NBPF15: variants seen among roughly 807,000 people sequenced by gnomAD.
NBPF15 encodes the protein NBPF member 15.
In NBPF15, 74 loss-of-function variants were observed where a neutral mutation model predicts 62.2. The observed-to-expected ratio is 1.19, with a 90% CI of 0.99 to 1.44. The LOEUF (loss-of-function observed/expected upper bound fraction) is 1.44, where lower values mean the gene tolerates loss of function less well. Ranked by LOEUF, NBPF15 falls within the 40% of genes most tolerant of loss-of-function variation. NBPF15 has a pLI of 0.00. For synonymous variants in NBPF15, 244 were observed against 209.7 expected (o/e 1.16, Z -1.41); for missense variants, 790 against 550.0 (o/e 1.44, Z -4.36).
intron 6 of NBPF15, among the ~76,000 whole-genome samples, chr1:144,445,779 T>C (rs1687065021): frequency 6.6e-6 from 1 of 151,196 alleles, no homozygotes; most frequent in Non-Finnish European, 1.5e-5. Context: ...ACTAATTTAG[T>C]TCTTTCATAA....
intron 13 of NBPF15, among the ~76,000 whole-genome samples, chr1:144,432,149 C>G (rs1385218521): frequency 4.6e-5 from 7 of 151,832 alleles, no homozygotes; most frequent in African/African-American, 1.2e-4. Flanking sequence ...TCCTCTCCAG[C>G]ATCTTCAACC....
At chr1:144,457,066 C>T (rs1648449170) in intron 3 of NBPF15, among the ~76,000 whole-genome samples, 2 of 151,912 alleles carry the variant, frequency 1.3e-5, no homozygotes, top group African/African-American at 2.4e-5. Flanking sequence ...GTAGTCTCAG[C>T]TACTCAGAAG....
At chr1:144,439,140 C>A (rs1376786636) in intron 8 of NBPF15, among the ~76,000 whole-genome samples, 1 of 151,750 alleles carries the variant, frequency 6.6e-6, no homozygotes, top group Non-Finnish European at 1.5e-5. Context: ...CCTGCCACCA[C>A]GCCCATCTAC....
chr1:144,460,641 C>T (rs581734), intron 2 of NBPF15, among the ~76,000 whole-genome samples: 23 of 150,622 alleles, frequency 1.5e-4, no homozygotes, highest in African/African-American at 2.7e-4. Flanking sequence ...AGAAAAGATA[C>T]CACTGCAAGA....
intron 9 of NBPF15, 142 bp downstream of exon 9, chr1:144,437,799 GATAA>G: frequency 1.3e-6 from 1 of 747,238 alleles, no homozygotes; most frequent in Non-Finnish European, 2.3e-6. Flanking sequence ...TTCTCTGTTT[GATAA>G]ATATTTGTGT....
At chr1:144,453,376 T>C (rs1307716763) in intron 4 of NBPF15, among the ~76,000 whole-genome samples, 1 of 151,748 alleles carries the variant, frequency 6.6e-6, no homozygotes, top group Non-Finnish European at 1.5e-5. Flanking sequence ...ATAAGAATCC[T>C]AGGAGATAAC....
At chr1:144,449,497 G>A (rs587656324) in intron 5 of NBPF15, among the ~76,000 whole-genome samples, 93 of 151,254 alleles carry the variant, frequency 6.1e-4, no homozygotes, top group African/African-American at 2.2e-3. Flanking sequence ...CCATGGAATG[G>A]CTAAAGGAAC....
chr1:144,429,293 G>A (rs1183828895), intron 14 of NBPF15, among the ~76,000 whole-genome samples: 9 of 149,248 alleles, frequency 6.0e-5, no homozygotes, highest in Non-Finnish European at 1.2e-4. Flanking sequence ...CTGGCCTTGG[G>A]CAGGTAAAGA....
intron 4 of NBPF15, among the ~76,000 whole-genome samples, chr1:144,453,513 A>G (rs1692481236): frequency 1.3e-5 from 2 of 151,714 alleles, no homozygotes; most frequent in Non-Finnish European, 2.9e-5. Flanking sequence ...CTGTTCTGTG[A>G]AAGACACTGT....
intron 9 of NBPF15, among the ~76,000 whole-genome samples, chr1:144,437,455 C>T (rs1209873279): frequency 2.5e-4 from 36 of 144,960 alleles, no homozygotes; most frequent in African/African-American, 8.1e-4. Flanking sequence ...GTGCATCTTG[C>T]GGCCACTAGA....
intron 4 of NBPF15, among the ~76,000 whole-genome samples, chr1:144,455,105 A>G (rs868949900): frequency 2.9e-5 from 4 of 138,562 alleles, no homozygotes; most frequent in East Asian, 2.2e-4. Flanking sequence ...GGAAGGAAGG[A>G]AGGAAGGAAG....
At chr1:144,446,732 AATG>A (rs1257501048) in intron 6 of NBPF15, among the ~76,000 whole-genome samples, 4 of 152,054 alleles carry the variant, frequency 2.6e-5, no homozygotes, top group Admixed American at 6.5e-5. Context: ...TAATATATAA[AATG>A]ATATTTTTTA....
intron 4 of NBPF15, among the ~76,000 whole-genome samples, chr1:144,453,662 A>G (rs113616922): frequency 0.22 from 18,752 of 85,992 alleles, 3,487 homozygotes; most frequent in African/African-American, 0.45. Context: ...AAAAAAAAAA[A>G]GTGAAACATC....
At chr1:144,452,137 G>C (rs1691573507) in intron 4 of NBPF15, among the ~76,000 whole-genome samples, 1 of 151,402 alleles carries the variant, frequency 6.6e-6, no homozygotes, top group Non-Finnish European at 1.5e-5. Context: ...AAGGAAAAGA[G>C]AAATAACTCC....
intron 16 of NBPF15, 127 bp from the exon 17 acceptor site, chr1:144,427,225 A>G: frequency 2.9e-6 from 2 of 684,380 alleles, no homozygotes; most frequent in Non-Finnish European, 5.2e-6. Flanking sequence ...TGTGAGAGAT[A>G]TTCTTCAAGA....
intron 4 of NBPF15, among the ~76,000 whole-genome samples, chr1:144,452,141 T>C (rs1426881782): frequency 6.6e-6 from 1 of 151,548 alleles, no homozygotes; most frequent in Admixed American, 6.6e-5. Context: ...AAAAGAGAAA[T>C]AACTCCATCT....
Position 144,439,997 on chromosome 1 carries a change from C to T in NBPF15, c.7G>A (p.Val3Ile), listed in dbSNP as rs1361198449. The T allele has an allele frequency of 1.2e-6, 2 of 1,607,924 alleles. No individual in the cohort carries two copies. Among genetic ancestry groups the T allele is most frequent in the African/African-American group, 1.3e-5 (1 of 74,728 alleles). The change falls in exon 8 of 22, where the codon GTA becomes ATA. Residue 3 changes from valine (V) to isoleucine (I), a missense_variant. By Grantham distance (29) the Val-to-Ile change is conservative. Transcript: ENST00000581897. MVVSAGPLSSEKA... is the reference protein window; with the variant it reads MVISAGPLSSEKA... ...TCGCTGGACAAAGGGCCGGCTGATACCACCATGCTGACGTTTGTGGCAGAA... is the reference window on the plus strand; with the variant it reads ...TCGCTGGACAAAGGGCCGGCTGATATCACCATGCTGACGTTTGTGGCAGAA...
At chr1:144,439,259 G>C (rs2102190148) in intron 8 of NBPF15, among the ~76,000 whole-genome samples, 1 of 152,042 alleles carries the variant, frequency 6.6e-6, no homozygotes, top group African/African-American at 2.4e-5. Flanking sequence ...TGGGATTACA[G>C]GAGTGAGCCA....
At chr1:144,429,267 G>A (rs1553539875) in intron 14 of NBPF15, among the ~76,000 whole-genome samples, 1 of 148,720 alleles carries the variant, frequency 6.7e-6, no homozygotes, top group East Asian at 1.9e-4. Flanking sequence ...TCACTGAGAA[G>A]TAGACAAGGG....
Sources: allele counts gnomAD v4.1 joint callset (sites outside exome capture counted in the v4.1 genomes callset), GRCh38; gene constraint gnomAD v4.1.1; transcripts MANE v1.5; gene names NCBI Gene and HGNC (gene_info 2026-07-23, HGNC 2026-07-21).